SRBD1: variants seen among roughly 807,000 people sequenced by gnomAD.
SRBD1 encodes S1 RNA binding domain 1.
A neutral mutation model predicts 115.3 loss-of-function variants in SRBD1; 88 were observed. The observed-to-expected ratio is 0.76, with a 90% CI of 0.64 to 0.91. The LOEUF (loss-of-function observed/expected upper bound fraction) is 0.91. Ranked by LOEUF, SRBD1 falls within the 40% of genes least tolerant of loss-of-function variation. The pLI is 0.00. For missense variants in SRBD1, 1,385 were observed against 1,177.4 expected (o/e 1.18, Z -2.58); for synonymous variants, 509 against 407.7 (o/e 1.25, Z -2.99).
At chr2:45,460,820 C>T (rs970301634) in intron 16 of SRBD1, among the ~76,000 whole-genome samples, 1 of 152,152 alleles carries the variant, frequency 6.6e-6, no homozygotes, top group East Asian at 1.9e-4. Flanking sequence ...TTTGAGAGGC[C>T]CAACCAATGC....
At chr2:45,531,780 G>A (rs1204063100) in intron 14 of SRBD1, among the ~76,000 whole-genome samples, 1 of 151,682 alleles carries the variant, frequency 6.6e-6, no homozygotes, top group Non-Finnish European at 1.5e-5. Context: ...AATACATATG[G>A]CAAGCCTTCT....
At chr2:45,462,558 GATT>G (rs1669348952) in intron 16 of SRBD1, among the ~76,000 whole-genome samples, 1 of 151,178 alleles carries the variant, frequency 6.6e-6, no homozygotes, top group Non-Finnish European at 1.5e-5. Context: ...CCCTGCTCTA[GATT>G]ATTAAAGACA....
intron 4 of SRBD1, among the ~76,000 whole-genome samples, chr2:45,595,192 T>C (rs902347569): frequency 6.6e-6 from 1 of 152,242 alleles, no homozygotes; most frequent in Non-Finnish European, 1.5e-5. Context: ...GACTATATAG[T>C]TCTGCCTCTC....
rs557301309 is a variant in SRBD1 at position 45,560,245 on chromosome 2, A to T, written c.1409+2408T>A. ...AAATATAAATAAGCCATGGAAAAAT[A>T]AATCACTGTAAAAAAATTCCTTGAC... is the stretch of plus-strand genomic sequence containing the variant. On this transcript the variant is annotated intron_variant, in intron 10 of 20. Coordinates refer to ENST00000263736, the MANE Select transcript of SRBD1 (RefSeq NM_018079.5). 2.8e-3 allele frequency among the ~76,000 whole-genome samples: 431 copies of T among 152,342 alleles called. 1 individual carries two copies. The highest frequency in any genetic ancestry group is 9.7e-3 in the African/African-American group (405 of 41,582).
intron 16 of SRBD1, among the ~76,000 whole-genome samples, chr2:45,462,546 T>G (rs1669348587): frequency 6.6e-6 from 1 of 151,810 alleles, no homozygotes; most frequent in South Asian, 2.1e-4. Flanking sequence ...ACAGATTGGG[T>G]GCCCTGCTCT....
intron 14 of SRBD1, among the ~76,000 whole-genome samples, chr2:45,541,018 A>T (rs1671917558): frequency 6.6e-6 from 1 of 152,120 alleles, no homozygotes; most frequent in Admixed American, 6.5e-5. Context: ...CGTTCCACTC[A>T]CTCAAGCTGG....
In SRBD1 at chr2:45,413,123, A is replaced by G. The variant is rs1413085757; in HGVS notation, c.2504T>C (p.Ile835Thr). The G allele has an allele frequency of 2.5e-6, 4 of 1,613,516 alleles. No homozygotes were observed. In the South Asian group the frequency reaches 4.4e-5, roughly 18 times the overall value. Reference sequence around the variant, plus strand: ...TGGGCCTCAGACTTACCTCATTGCTATGTCATATGATTCTGGATGAATACA... The same window carrying G: ...TGGGCCTCAGACTTACCTCATTGCTGTGTCATATGATTCTGGATGAATACA... ...QTCIHPESYDIAMRFLSSIGG... is the reference protein window; with the variant it reads ...QTCIHPESYDTAMRFLSSIGG... Residue 835 changes from isoleucine (I) to threonine (T), a missense_variant, in exon 19 of 21, where the codon ATA (isoleucine) becomes ACA (threonine). Physicochemically the swap from Ile to Thr is moderately conservative, Grantham distance 89. Transcript: ENST00000263736.
intron 16 of SRBD1, among the ~76,000 whole-genome samples, chr2:45,420,608 A>T (rs1183801059): frequency 1.3e-5 from 2 of 152,238 alleles, no homozygotes; most frequent in African/African-American, 2.4e-5. Context: ...AGAAAATATA[A>T]GCAATCTAAA....
chr2:45,421,908 T>G (rs1052949459), intron 16 of SRBD1, among the ~76,000 whole-genome samples: 1 of 152,168 alleles, frequency 6.6e-6, no homozygotes, highest in Non-Finnish European at 1.5e-5. Flanking sequence ...AATATCACCA[T>G]GAAAAAGATC....
intron 5 of SRBD1, among the ~76,000 whole-genome samples, chr2:45,584,851 T>A (rs1400109827): frequency 6.6e-6 from 1 of 152,082 alleles, no homozygotes; most frequent in South Asian, 2.1e-4. Flanking sequence ...ACCATAACCA[T>A]TAAAAGTATG....
intron 16 of SRBD1, among the ~76,000 whole-genome samples, chr2:45,458,920 A>G (rs1343563563): frequency 1.4e-5 from 2 of 145,798 alleles, no homozygotes; most frequent in Non-Finnish European, 3.0e-5. Flanking sequence ...CTATAAATCC[A>G]CAAGTCTCAA....
intron 16 of SRBD1, among the ~76,000 whole-genome samples, chr2:45,451,350 T>C (rs1012438439): frequency 2.6e-5 from 4 of 152,002 alleles, no homozygotes; most frequent in Admixed American, 2.6e-4. Flanking sequence ...ATATGAAAAA[T>C]ATTATTTCGC....
chr2:45,418,137 T>C lies in SRBD1; in HGVS notation c.2333+228A>G, dbSNP rs193128583. On this transcript the variant is annotated intron_variant, in intron 18 of 20. Coordinates refer to ENST00000263736, the MANE Select transcript of SRBD1 (RefSeq NM_018079.5). ...AAAGTACTAATTTTACTAGTTTGCT[T>C]ATTGTCTGTGTCACATGTTAAAATA... is the stretch of plus-strand genomic sequence containing the variant. Among the ~76,000 whole-genome samples the C allele has an allele frequency of 1.4e-3, 216 of 152,370 alleles. 5 individuals carry two copies. The South Asian group carries it at 0.03, about 21-fold the overall frequency.
At chr2:45,554,320 A>G (rs978931600) in intron 10 of SRBD1, among the ~76,000 whole-genome samples, 6 of 152,248 alleles carry the variant, frequency 3.9e-5, no homozygotes, top group African/African-American at 1.4e-4. Flanking sequence ...TGGACTTCTC[A>G]GCCTCCAGAA....
chr2:45,604,815 T>C (rs888425937), intron 2 of SRBD1, among the ~76,000 whole-genome samples: 2 of 152,206 alleles, frequency 1.3e-5, no homozygotes, highest in African/African-American at 2.4e-5. Context: ...ATAGTACTTA[T>C]TACTATAAAT....
intron 10 of SRBD1, among the ~76,000 whole-genome samples, chr2:45,555,765 T>C (rs897321127): frequency 1.8e-4 from 28 of 152,300 alleles, no homozygotes; most frequent in African/African-American, 6.5e-4. Flanking sequence ...GTGCTGGGAT[T>C]GCAGGCGTGA....
At chr2:45,406,166 G>C (rs1280188447) in intron 19 of SRBD1, among the ~76,000 whole-genome samples, 1 of 152,132 alleles carries the variant, frequency 6.6e-6, no homozygotes. Context: ...CAATGGGCAA[G>C]GTCAGGAGTC....
At chr2:45,480,225 A>G (rs188705345) in intron 15 of SRBD1, among the ~76,000 whole-genome samples, 2 of 152,304 alleles carry the variant, frequency 1.3e-5, no homozygotes, top group East Asian at 3.9e-4. Context: ...ATCAAGGAGT[A>G]ATTTTGACTT....
rs140001795 is a variant in SRBD1, at chr2:45,550,871, C to T, written c.1675+254G>A. On this transcript the variant is annotated intron_variant, in intron 12 of 20. Coordinates refer to ENST00000263736, the MANE Select transcript of SRBD1 (RefSeq NM_018079.5). ...ATGGGGAATTAATAGAGTTCAAGTC[C>T]GAGCCTAATTAATCCTCAATATCTC... Among the ~76,000 whole-genome samples, 10 of 152,096 alleles carry T rather than the reference C, an allele frequency of 6.6e-5. No homozygotes were observed. In the East Asian group the frequency reaches 1.5e-3, roughly 23 times the overall value.
Sources: allele counts gnomAD v4.1 joint callset (sites outside exome capture counted in the v4.1 genomes callset), GRCh38; gene constraint gnomAD v4.1.1; transcripts MANE v1.5; gene names NCBI Gene and HGNC (gene_info 2026-07-23, HGNC 2026-07-21).